MDFIC2: variants seen among roughly 807,000 people sequenced by gnomAD.
The protein encoded by MDFIC2 is myoD family inhibitor domain-containing protein 2.
At chr3:70,298,969 G>A (rs533064082) in intron 2 of MDFIC2, among the ~76,000 whole-genome samples, 58 of 152,108 alleles carry the variant, frequency 3.8e-4, no homozygotes, top group Non-Finnish European at 7.6e-4. Flanking sequence ...ACTAAGCTGA[G>A]GCATTGATGT....
chr3:70,299,357 G>C (rs1333853536), intron 2 of MDFIC2, among the ~76,000 whole-genome samples: 1 of 151,678 alleles, frequency 6.6e-6, no homozygotes, highest in Non-Finnish European at 1.5e-5. Flanking sequence ...AAGCATATAA[G>C]ATGTACAGTG....
intron 2 of MDFIC2, among the ~76,000 whole-genome samples, chr3:70,228,728 T>C (rs555233894): frequency 1.1e-3 from 164 of 152,120 alleles, no homozygotes; most frequent in African/African-American, 3.8e-3. Context: ...TTCTCATTAA[T>C]TTTTTCATGA....
At chr3:70,197,296 T>A in intron 3 of MDFIC2, 111 bp from the exon 4 acceptor site, 2 of 397,314 alleles carry the variant, frequency 5.0e-6, no homozygotes, top group Non-Finnish European at 8.9e-6. Context: ...TAATTATTTA[T>A]CCACATTAGG....
chr3:70,300,204 C>T (rs1201510764), intron 2 of MDFIC2, among the ~76,000 whole-genome samples: 1 of 151,936 alleles, frequency 6.6e-6, no homozygotes, highest in East Asian at 1.9e-4. Flanking sequence ...GCTATTGTAC[C>T]TCAAATATAG....
At chr3:70,234,678 A>G (rs1393347549) in intron 2 of MDFIC2, among the ~76,000 whole-genome samples, 1 of 151,878 alleles carries the variant, frequency 6.6e-6, no homozygotes, top group African/African-American at 2.4e-5. Context: ...TAATAGAGCT[A>G]TGGTCACAAG....
chr3:70,264,070 A>T (rs1183340943), intron 2 of MDFIC2, among the ~76,000 whole-genome samples: 1 of 152,202 alleles, frequency 6.6e-6, no homozygotes, highest in Non-Finnish European at 1.5e-5. Flanking sequence ...TGTGTCTAGC[A>T]CAATCACTTT....
At chr3:70,274,745 CT>C (rs1356361215) in intron 2 of MDFIC2, among the ~76,000 whole-genome samples, 1 of 152,076 alleles carries the variant, frequency 6.6e-6, no homozygotes, top group Non-Finnish European at 1.5e-5. Flanking sequence ...GCACATGTAC[CT>C]TGGAACTTAA....
chr3:70,255,642 G>A (rs1701808906), intron 2 of MDFIC2, among the ~76,000 whole-genome samples: 1 of 151,874 alleles, frequency 6.6e-6, no homozygotes, highest in Admixed American at 6.6e-5. Context: ...TTTTTCCTGT[G>A]GAGGTGGGGT....
chr3:70,263,745 T>C (rs1467899458), intron 2 of MDFIC2, among the ~76,000 whole-genome samples: 1 of 152,156 alleles, frequency 6.6e-6, no homozygotes, highest in East Asian at 1.9e-4. Context: ...CCTCCCCAAA[T>C]TTCAATTTGT....
intron 2 of MDFIC2, among the ~76,000 whole-genome samples, chr3:70,284,574 A>G (rs142207692): frequency 1.3e-4 from 20 of 152,324 alleles, no homozygotes; most frequent in African/African-American, 4.8e-4. Flanking sequence ...GCCATAAAAA[A>G]GAATAAGATC....
chr3:70,294,018 G>A (rs981043152), intron 2 of MDFIC2, among the ~76,000 whole-genome samples: 16 of 152,078 alleles, frequency 1.1e-4, no homozygotes, highest in Admixed American at 3.9e-4. Flanking sequence ...CAACAGCTGG[G>A]TGTATTTTAA....
chr3:70,217,764 A>C (rs1701429396), intron 2 of MDFIC2, among the ~76,000 whole-genome samples: 1 of 152,162 alleles, frequency 6.6e-6, no homozygotes, highest in South Asian at 2.1e-4. Context: ...ATTAGTGTTG[A>C]AAAATACTTA....
intron 2 of MDFIC2, among the ~76,000 whole-genome samples, chr3:70,298,187 G>T (rs1313326782): frequency 3.9e-5 from 6 of 152,052 alleles, no homozygotes; most frequent in Admixed American, 3.9e-4. Context: ...GCAGGTTTTT[G>T]ATCTGTTTAT....
At chr3:70,245,932 C>T (rs1192422094) in intron 2 of MDFIC2, among the ~76,000 whole-genome samples, 2 of 150,936 alleles carry the variant, frequency 1.3e-5, no homozygotes, top group Non-Finnish European at 3.0e-5. Context: ...TTAGATCATC[C>T]TCTTGCTCTT....
intron 2 of MDFIC2, among the ~76,000 whole-genome samples, chr3:70,273,293 C>G (rs1305638412): frequency 2.0e-5 from 3 of 152,242 alleles, no homozygotes; most frequent in Non-Finnish European, 4.4e-5. Flanking sequence ...AACAATTTCT[C>G]TGAAGACTAC....
chr3:70,308,332 T>C (rs769095797), intron 2 of MDFIC2, among the ~76,000 whole-genome samples: 4 of 152,160 alleles, frequency 2.6e-5, no homozygotes, highest in Non-Finnish European at 5.9e-5. Context: ...GCTGAGATTA[T>C]AGGCATGAGT....
intron 2 of MDFIC2, among the ~76,000 whole-genome samples, chr3:70,288,317 C>T (rs1702190027): frequency 9.1e-6 from 1 of 109,896 alleles, no homozygotes; most frequent in Admixed American, 9.4e-5. Context: ...TCATTATGTA[C>T]CCAGTAGTCA....
At position 70,196,937 on chromosome 3, in the gene MDFIC2, A is replaced by T. The variant is rs1701187389; in HGVS notation, c.559T>A (p.Cys187Ser). The change falls in exon 4 of 4, where the codon TGT (cysteine) becomes AGT (serine). Residue 187 changes from cysteine (C) to serine (S), a missense_variant. Coordinates refer to ENST00000567252, the MANE Select transcript of MDFIC2 (RefSeq NM_001364677.1). ...LELAMEISEICYR is the reference protein window; with the variant it reads ...LELAMEISEISYR Reference sequence around the variant, plus strand: ...GTTACTTCACTGTGCTAGCGGTAACAGATTTCTGAAATCTCCATGGCCAGT... The same window carrying T: ...GTTACTTCACTGTGCTAGCGGTAACTGATTTCTGAAATCTCCATGGCCAGT... The T allele has an allele frequency of 2.5e-6, 1 of 398,430 alleles. No individual in the cohort carries two copies. Among genetic ancestry groups the T allele is most frequent in the African/African-American group, 2.1e-5 (1 of 48,634 alleles). 24.7% of individuals were successfully genotyped at this position (398,430 alleles called of 1,614,324 possible).
At chr3:70,222,003 A>G (rs748284780) in intron 2 of MDFIC2, among the ~76,000 whole-genome samples, 1 of 152,144 alleles carries the variant, frequency 6.6e-6, no homozygotes, top group Non-Finnish European at 1.5e-5. Context: ...GAAAAATGTC[A>G]AGTGTTCCAT....
Sources: gnomAD v4.1 joint callset for allele counts (sites outside exome capture counted in the v4.1 genomes callset) on GRCh38, gnomAD v4.1.1 for gene constraint, MANE v1.5 for transcripts, NCBI Gene and HGNC (gene_info 2026-07-23, HGNC 2026-07-21) for gene names.